The following SP140 variants were observed in gnomAD, a reference collection of about 807,000 sequenced individuals.
SP140 encodes the protein nuclear body protein SP140.
A neutral mutation model predicts 125.0 loss-of-function variants in SP140; 81 were observed. The observed-to-expected ratio is 0.65, with a 90% CI of 0.54 to 0.78. SP140 has a LOEUF of 0.78. Among genes scored for constraint, SP140 ranks in the 30% least tolerant of loss-of-function variants. The probability of loss-of-function intolerance (pLI) is 0.00; values close to 1 mark genes in which losing one functional copy is unlikely to be tolerated. For synonymous variants in SP140, 312 were observed against 354.0 expected (o/e 0.88, Z 1.33); for missense variants, 858 against 1,037.0 (o/e 0.83, Z 2.37).
intron 15 of SP140, among the ~76,000 whole-genome samples, chr2:230,284,005 T>C (rs528204073): frequency 6.6e-6 from 1 of 152,348 alleles, no homozygotes; most frequent in South Asian, 2.1e-4. Flanking sequence ...TGTCCTCTCA[T>C]TGCACATTTG....
intron 12 of SP140, among the ~76,000 whole-genome samples, chr2:230,257,064 T>C (rs533752338): frequency 6.6e-6 from 1 of 152,200 alleles, no homozygotes; most frequent in Admixed American, 6.5e-5. Flanking sequence ...CCTGGATGAC[T>C]CCTTACAGGC....
At chr2:230,212,575 TG>T in intron 1 of SP140, 1 of 1,056,752 alleles carries the variant, frequency 9.5e-7, no homozygotes, top group Non-Finnish European at 1.5e-6. Flanking sequence ...GCAGGTGTTC[TG>T]GACTCTAGGT....
intron 3 of SP140, 89 bp downstream of exon 3, chr2:230,238,470 A>G (rs2278197): frequency 0.63 from 819,495 of 1,303,036 alleles, 260,252 homozygotes; most frequent in African/African-American, 0.71. Context: ...TTTGACAAAT[A>G]TTTGACTGAG....
chr2:230,250,278 T>C (rs2050163567), intron 9 of SP140, among the ~76,000 whole-genome samples: 1 of 152,228 alleles, frequency 6.6e-6, no homozygotes, highest in African/African-American at 2.4e-5. Flanking sequence ...CGGTGATCTT[T>C]GCTGCACAGG....
At position 230,236,943 on chromosome 2, in the gene SP140, C is replaced by A. The variant is rs931245737; in HGVS notation, c.60-140C>A. The A allele has an allele frequency of 9.1e-6, 5 of 550,838 alleles. No individual in the cohort carries two copies. The East Asian group carries it at 1.6e-4, about 18-fold the overall frequency. 34.1% of individuals were successfully genotyped at this position (550,838 alleles called of 1,614,324 possible). A position where few individuals can be genotyped will look rare whatever the true frequency, so the allele number is the denominator to read the frequency against. ...TTTCCCAAAATAAATAAATTCCATT[C>A]ATTCTGGTCTCCCTACAAGAATGCT... On this transcript the variant is annotated intron_variant, in intron 1 of 26. Coordinates refer to ENST00000392045, the MANE Select transcript of SP140 (RefSeq NM_007237.5).
At chr2:230,201,860 A>T (rs2043214297), upstream of SP140, among the ~76,000 whole-genome samples, 1 of 152,260 alleles carries the variant, frequency 6.6e-6, no homozygotes, top group South Asian at 2.1e-4. Flanking sequence ...CTAATATTTA[A>T]GAAACTATCA....
chr2:230,297,783 C>G (rs1249791631), intron 22 of SP140, among the ~76,000 whole-genome samples: 1 of 152,106 alleles, frequency 6.6e-6, no homozygotes, highest in Non-Finnish European at 1.5e-5. Flanking sequence ...TAGGGCTGGC[C>G]TGGTGATTAG....
chr2:230,229,939 T>G (rs951849296), intron 1 of SP140, among the ~76,000 whole-genome samples: 4 of 151,674 alleles, frequency 2.6e-5, no homozygotes, highest in African/African-American at 9.7e-5. Context: ...GGGTTTTTTG[T>G]TTTTTTTCCC....
chr2:230,193,105 G>T, the SP140 span, among the ~76,000 whole-genome samples: 1 of 152,078 alleles, frequency 6.6e-6, no homozygotes, highest in Admixed American at 6.6e-5. Context: ...ATTATATAAT[G>T]ACCTTCTTTG....
At chr2:230,212,554 G>A in intron 1 of SP140, 4 of 1,046,124 alleles carry the variant, frequency 3.8e-6, no homozygotes, top group Middle Eastern at 2.0e-4. Flanking sequence ...GGAATGTCCC[G>A]GGAGTGGGAA....
chr2:230,212,106 G>A (rs2044550267), intron 1 of SP140, among the ~76,000 whole-genome samples: 1 of 152,210 alleles, frequency 6.6e-6, no homozygotes, highest in Admixed American at 6.5e-5. Context: ...TGGGGGTGAG[G>A]AATCAGCTAA....
chr2:230,216,177 A>G (rs1394663822), intron 3 of SP140, among the ~76,000 whole-genome samples: 3 of 152,236 alleles, frequency 2.0e-5, no homozygotes, highest in African/African-American at 7.2e-5. Context: ...TGAATGTTGG[A>G]TGGATATATC....
At chr2:230,309,874 T>A in intron 22 of SP140, 50 bp from the exon 23 acceptor site, 3 of 1,602,828 alleles carry the variant, frequency 1.9e-6, no homozygotes, top group Non-Finnish European at 2.6e-6. Flanking sequence ...AGGGTTGGCC[T>A]TCCTGAATCT....
At chr2:230,283,176 T>A (rs964549268) in intron 15 of SP140, among the ~76,000 whole-genome samples, 2 of 152,134 alleles carry the variant, frequency 1.3e-5, no homozygotes, top group Non-Finnish European at 2.9e-5. Context: ...TGGAGTAGTG[T>A]GTTTTCCTTC....
chr2:230,251,874 C>A (rs1006315824), intron 10 of SP140, among the ~76,000 whole-genome samples: 1 of 152,056 alleles, frequency 6.6e-6, no homozygotes, highest in African/African-American at 2.4e-5. Flanking sequence ...GAAACACAGA[C>A]GTACATGTGA....
chr2:230,206,608 T>TGGTCC (rs2043865337), intron 1 of SP140, among the ~76,000 whole-genome samples: 2 of 55,688 alleles, frequency 3.6e-5, no homozygotes, highest in Admixed American at 1.8e-4. Context: ...TATATATATA[T>TGGTCC]ATATATATAT....
intron 14 of SP140, 90 bp downstream of exon 14, chr2:230,270,043 A>G: frequency 1.2e-6 from 1 of 814,454 alleles, no homozygotes; most frequent in East Asian, 2.5e-5. Context: ...CAGTCTGTCC[A>G]GAATTCTATT....
At chr2:230,292,201 C>A (rs2057193880) in intron 19 of SP140, among the ~76,000 whole-genome samples, 2 of 151,992 alleles carry the variant, frequency 1.3e-5, no homozygotes, top group South Asian at 2.1e-4. Context: ...CGGGAGTGAC[C>A]CCCTGAGCCA....
chr2:230,285,979 T>C (rs556332354), intron 17 of SP140, 147 bp downstream of exon 17: 18 of 619,664 alleles, frequency 2.9e-5, no homozygotes, highest in African/African-American at 2.2e-4. Flanking sequence ...GCAAACTCAT[T>C]ATAAGCAGGG....
Sources: gnomAD v4.1 joint callset for allele counts (sites outside exome capture counted in the v4.1 genomes callset) on GRCh38, gnomAD v4.1.1 for gene constraint, MANE v1.5 for transcripts, NCBI Gene and HGNC (gene_info 2026-07-23, HGNC 2026-07-21) for gene names.